The following PLXDC2 variants were observed in gnomAD, a reference collection of about 807,000 sequenced individuals.
PLXDC2 encodes the protein plexin domain-containing protein 2.
PLXDC2 carries 40 observed loss-of-function variants against 68.9 expected under a neutral mutation model. The ratio of observed to expected loss-of-function variants is 0.58; its 90% CI spans 0.45 to 0.76. The LOEUF (loss-of-function observed/expected upper bound fraction) is 0.76. PLXDC2 is among the 30% of genes least tolerant of loss of function. The pLI, the probability that PLXDC2 is intolerant of heterozygous loss-of-function variation, is 0.00. For missense variants in PLXDC2, 644 were observed against 661.9 expected (o/e 0.97, Z 0.30); for synonymous variants, 243 against 234.2 (o/e 1.04, Z -0.34).
intron 4 of PLXDC2, among the ~76,000 whole-genome samples, chr10:20,109,995 T>C (rs1304895729): frequency 1.3e-5 from 2 of 152,142 alleles, no homozygotes; most frequent in African/African-American, 4.8e-5. Context: ...GGCATATGTC[T>C]AGCAAAGGAA....
intron 4 of PLXDC2, among the ~76,000 whole-genome samples, chr10:20,076,867 C>T (rs908955489): frequency 6.6e-6 from 1 of 152,080 alleles, no homozygotes; most frequent in African/African-American, 2.4e-5. Flanking sequence ...AAAGACTGTC[C>T]CATGATGACA....
At chr10:20,143,750 T>G (rs1834037071) in intron 5 of PLXDC2, among the ~76,000 whole-genome samples, 1 of 152,098 alleles carries the variant, frequency 6.6e-6, no homozygotes, top group South Asian at 2.1e-4. Flanking sequence ...AGAATAATTT[T>G]GTTAGTTCTG....
chr10:20,270,147 T>G (rs1161346391), intron 13 of PLXDC2, among the ~76,000 whole-genome samples: 1 of 152,154 alleles, frequency 6.6e-6, no homozygotes, highest in Non-Finnish European at 1.5e-5. Flanking sequence ...GTTAGAAGAC[T>G]ATTGGTAGTC....
chr10:20,137,564 G>A (rs1407619383), intron 4 of PLXDC2, among the ~76,000 whole-genome samples: 3 of 152,182 alleles, frequency 2.0e-5, no homozygotes, highest in Admixed American at 2.0e-4. Context: ...GATTTGAGGT[G>A]GCCACCACCC....
intron 4 of PLXDC2, among the ~76,000 whole-genome samples, chr10:20,140,407 A>ATCTATCTATCTG (rs1486054668): frequency 6.9e-6 from 1 of 145,738 alleles, no homozygotes; most frequent in Non-Finnish European, 1.5e-5. Context: ...TATATAAAAT[A>ATCTATCTATCTG]TCTATCTATC....
At chr10:20,009,884 C>G (rs1476241518) in intron 2 of PLXDC2, among the ~76,000 whole-genome samples, 2 of 151,858 alleles carry the variant, frequency 1.3e-5, no homozygotes, top group Admixed American at 1.3e-4. Flanking sequence ...CAATGATGCT[C>G]CTACCTGATT....
intron 9 of PLXDC2, among the ~76,000 whole-genome samples, chr10:20,186,693 G>T (rs932506240): frequency 1.3e-5 from 2 of 151,886 alleles, no homozygotes; most frequent in African/African-American, 4.8e-5. Context: ...CGGTTAGTTT[G>T]CTAAGGATAA....
At chr10:20,001,539 A>AC (rs386370878) in intron 1 of PLXDC2, among the ~76,000 whole-genome samples, 1 of 150,290 alleles carries the variant, frequency 6.7e-6, no homozygotes, top group African/African-American at 2.4e-5. Flanking sequence ...GTTTTTAAAA[A>AC]CTCTGCAAGA....
At position 20,195,844 on chromosome 10, in the gene PLXDC2, A is replaced by G. The variant is rs77719089; in HGVS notation, c.1062-15825A>G. Among the ~76,000 whole-genome samples, 459 of 152,236 alleles carry G rather than the reference A, an allele frequency of 3.0e-3. 7 individuals are homozygous for G. The East Asian group carries it at 0.039, about 13-fold the overall frequency. ...AGACAACCTTAAAACACCAGAAGCCATTAAACTGAACAGCACTGAACAAAA... is the reference window on the plus strand; with the variant it reads ...AGACAACCTTAAAACACCAGAAGCCGTTAAACTGAACAGCACTGAACAAAA... On this transcript the variant is annotated intron_variant, in intron 9 of 13. Coordinates refer to ENST00000377252, the MANE Select transcript of PLXDC2 (RefSeq NM_032812.9).
At chr10:20,144,616 C>T (rs1834049159) in intron 5 of PLXDC2, among the ~76,000 whole-genome samples, 1 of 152,154 alleles carries the variant, frequency 6.6e-6, no homozygotes, top group Non-Finnish European at 1.5e-5. Flanking sequence ...GAGGTGCTAA[C>T]ACCCAAGGAT....
intron 4 of PLXDC2, among the ~76,000 whole-genome samples, chr10:20,096,010 T>A (rs1345425970): frequency 6.6e-6 from 1 of 152,174 alleles, no homozygotes; most frequent in Admixed American, 6.5e-5. Flanking sequence ...TAGTATGCAG[T>A]TTTTCCCAAA....
chr10:20,044,139 T>C lies in PLXDC2; in HGVS notation c.325-2730T>C, dbSNP rs370413945. Among the ~76,000 whole-genome samples, 136 of 17,016 alleles carry C rather than the reference T, an allele frequency of 8.0e-3. 1 individual carries two copies. The highest frequency in any genetic ancestry group is 9.9e-3 in the East Asian group (3 of 302). The allele number at this position is 17,016 out of a possible 152,430, so 11.2% of individuals were successfully genotyped here. ...TCCTTCCTTCCTCCCTCCCTCCCTC[T>C]CTCTCTTTTTCCTTCCTTCCTTCCT... On this transcript the variant is annotated intron_variant, in intron 2 of 13. Coordinates refer to ENST00000377252, the MANE Select transcript of PLXDC2 (RefSeq NM_032812.9).
At chr10:20,087,602 G>C (rs1014655312) in intron 4 of PLXDC2, among the ~76,000 whole-genome samples, 1 of 152,154 alleles carries the variant, frequency 6.6e-6, no homozygotes, top group Non-Finnish European at 1.5e-5. Flanking sequence ...TCCTCCAATA[G>C]ATGCAGTTTA....
In PLXDC2 at chr10:20,006,640, G is replaced by C. The variant is rs115039063; in HGVS notation, c.324+4654G>C. Among the ~76,000 whole-genome samples, 1,111 of 152,258 alleles carry C rather than the reference G, an allele frequency of 7.3e-3. 16 individuals carry two copies. The highest frequency in any genetic ancestry group is 0.025 in the African/African-American group (1,056 of 41,528). On this transcript the variant is annotated intron_variant, in intron 2 of 13. Transcript: ENST00000377252. ...AAGACAATAGCATGTTTACTGTTTT[G>C]ACACAAAGGCTGTTATTCTCTTCAC... is the stretch of plus-strand genomic sequence containing the variant.
chr10:20,204,881 T>G (rs2131851186), intron 9 of PLXDC2, among the ~76,000 whole-genome samples: 1 of 152,308 alleles, frequency 6.6e-6, no homozygotes, highest in Admixed American at 6.5e-5. Flanking sequence ...AACTGATTTC[T>G]AATGGGGTCT....
rs138946074 is a variant in PLXDC2 at position 20,069,551 on chromosome 10, A to G, written c.541+1312A>G. ...GCTCCTGTAGTCCCAGCTACTCAGG[A>G]GGCTGAGGCAGGAGGACCACTTGAG... On this transcript the variant is annotated intron_variant, in intron 4 of 13. Transcript: ENST00000377252. Among the ~76,000 whole-genome samples, 633 of 152,308 alleles carry G rather than the reference A, an allele frequency of 4.2e-3. 13 individuals are homozygous for G. Among genetic ancestry groups the G allele is most frequent in the Non-Finnish European group, 1.1e-3 (76 of 68,018 alleles).
At chr10:19,967,160 G>A (rs1834277745) in intron 1 of PLXDC2, among the ~76,000 whole-genome samples, 1 of 152,116 alleles carries the variant, frequency 6.6e-6, no homozygotes. Context: ...TACATGCTTT[G>A]GTACAGTGTA....
chr10:20,170,043 A>T (rs1246427471), intron 7 of PLXDC2, among the ~76,000 whole-genome samples: 1 of 152,212 alleles, frequency 6.6e-6, no homozygotes, highest in Non-Finnish European at 1.5e-5. Flanking sequence ...CATAAGAAAC[A>T]TTAAGCATTT....
At chr10:20,168,997 CAT>C (rs1007989207) in intron 7 of PLXDC2, among the ~76,000 whole-genome samples, 7 of 152,066 alleles carry the variant, frequency 4.6e-5, no homozygotes, top group Non-Finnish European at 8.8e-5. Flanking sequence ...ATATATAAAA[CAT>C]ATTTTTTACA....
Sources: allele counts gnomAD v4.1 joint callset (sites outside exome capture counted in the v4.1 genomes callset), GRCh38; gene constraint gnomAD v4.1.1; transcripts MANE v1.5; gene names NCBI Gene and HGNC (gene_info 2026-07-23, HGNC 2026-07-21).